DAB1: variants seen among roughly 807,000 people sequenced by gnomAD.
The protein encoded by DAB1 is DAB adaptor protein 1, also known as disabled homolog 1.
In DAB1, 15 loss-of-function variants were observed where a neutral mutation model predicts 64.6. The ratio of observed to expected loss-of-function variants is 0.23; its 90% CI spans 0.16 to 0.36. The LOEUF is 0.36. Among genes scored for constraint, DAB1 ranks in the 10% least tolerant of loss-of-function variants. The pLI, the probability that DAB1 is intolerant of heterozygous loss-of-function variation, is 1.00. For missense variants in DAB1, 596 were observed against 706.7 expected, an observed-to-expected ratio of 0.84 and a Z score of 1.78; for synonymous variants, 235 against 251.9, an observed-to-expected ratio of 0.93 and a Z score of 0.64.
intron 2 of DAB1, among the ~76,000 whole-genome samples, chr1:57,187,015 A>G (rs764354301): frequency 6.6e-6 from 1 of 152,174 alleles, no homozygotes; most frequent in African/African-American, 2.4e-5. Flanking sequence ...TGTCCCCCCA[A>G]AAAGATGGGA....
At chr1:57,674,068 AGG>A (rs1277086780) in intron 6 of DAB1, among the ~76,000 whole-genome samples, 1 of 152,168 alleles carries the variant, frequency 6.6e-6, no homozygotes, top group African/African-American at 2.4e-5. Context: ...ATTGAGTAAT[AGG>A]GGGGCAGGTT....
At chr1:58,298,345 A>G (rs758740744) in intron 4 of DAB1, among the ~76,000 whole-genome samples, 1 of 152,068 alleles carries the variant, frequency 6.6e-6, no homozygotes, top group Non-Finnish European at 1.5e-5. Context: ...CTTTCTTTCT[A>G]TTATTGTTCC....
chr1:57,357,055 A>T (rs1679167544), intron 1 of DAB1, among the ~76,000 whole-genome samples: 2 of 152,062 alleles, frequency 1.3e-5, no homozygotes. Context: ...TGAAGTCATT[A>T]GAACAGTGCC....
chr1:58,514,266 T>C (rs149743627), intron 2 of DAB1, among the ~76,000 whole-genome samples: 94 of 152,260 alleles, frequency 6.2e-4, no homozygotes, highest in Middle Eastern at 3.4e-3. Flanking sequence ...AAATTATAAA[T>C]TCAGTGGGAT....
At chr1:57,229,491 G>A (rs574182456) in intron 2 of DAB1, among the ~76,000 whole-genome samples, 19 of 151,536 alleles carry the variant, frequency 1.3e-4, no homozygotes, top group Non-Finnish European at 2.5e-4. Context: ...CACTGCGCCC[G>A]GCCTATAATA....
At chr1:57,950,885 G>A (rs1404395157) in intron 5 of DAB1, among the ~76,000 whole-genome samples, 1 of 152,154 alleles carries the variant, frequency 6.6e-6, no homozygotes, top group Non-Finnish European at 1.5e-5. Flanking sequence ...TATCCCTGAG[G>A]ACAAGTCCTT....
rs77903518 is a variant in DAB1, at chr1:57,430,635, C to T, written n.626-139469G>A. ...CTCGTGATCCGCCCGCCTAGGCCTC[C>T]CAAAGTGCTGGGTACAGTTAATACA... On this transcript the variant is annotated intron_variant and non_coding_transcript_variant, in intron 7 of 20. Coordinates refer to the DAB1 transcript ENST00000485760. Among the ~76,000 whole-genome samples, 987 of 152,050 alleles carry T rather than the reference C, an allele frequency of 6.5e-3. 15 individuals are homozygous for T. The highest frequency in any genetic ancestry group is 0.021 in the African/African-American group (886 of 41,476).
At chr1:58,460,769 C>T (rs981223648) in intron 3 of DAB1, among the ~76,000 whole-genome samples, 1 of 152,070 alleles carries the variant, frequency 6.6e-6, no homozygotes, top group African/African-American at 2.4e-5. Context: ...ACATATTGGC[C>T]TTTCAATTTA....
intron 1 of DAB1, among the ~76,000 whole-genome samples, chr1:57,396,103 AGC>A (rs1447378775): frequency 6.6e-6 from 1 of 152,210 alleles, no homozygotes; most frequent in Non-Finnish European, 1.5e-5. Flanking sequence ...CAAGAGCAAA[AGC>A]GCTGAGAGGT....
At chr1:58,437,954 A>G (rs1644963473) in intron 3 of DAB1, among the ~76,000 whole-genome samples, 1 of 152,164 alleles carries the variant, frequency 6.6e-6, no homozygotes. Flanking sequence ...CCTTTCCAGC[A>G]GCTGTGAGGT....
upstream of DAB1, among the ~76,000 whole-genome samples, chr1:57,884,392 C>T (rs1644192074): frequency 6.6e-6 from 1 of 152,022 alleles, no homozygotes; most frequent in African/African-American, 2.4e-5. Context: ...TAGCACTGTG[C>T]TAGGCTATGG....
intron 5 of DAB1, among the ~76,000 whole-genome samples, chr1:58,125,535 A>T (rs1227748619): frequency 6.7e-6 from 1 of 150,254 alleles, no homozygotes; most frequent in Non-Finnish European, 1.5e-5. Flanking sequence ...TCAACCTCCC[A>T]GTCTCAAGTG....
intron 1 of DAB1, among the ~76,000 whole-genome samples, chr1:57,302,319 A>C (rs1257200286): frequency 6.6e-6 from 1 of 152,194 alleles, no homozygotes; most frequent in Non-Finnish European, 1.5e-5. Context: ...AAAACGTAAA[A>C]ATTCAATCAC....
At chr1:57,327,848 AAAC>A (rs1381720382) in intron 1 of DAB1, among the ~76,000 whole-genome samples, 1 of 152,142 alleles carries the variant, frequency 6.6e-6, no homozygotes, top group Non-Finnish European at 1.5e-5. Context: ...CAAGTGGAAA[AAAC>A]AACAACAAAA....
chr1:58,417,257 G>A (rs1644729652), intron 3 of DAB1, among the ~76,000 whole-genome samples: 2 of 152,200 alleles, frequency 1.3e-5, no homozygotes, highest in Admixed American at 1.3e-4. Flanking sequence ...AGTGAAGAAG[G>A]ACATGAGAAT....
chr1:57,981,873 C>A (rs189615449), intron 5 of DAB1, among the ~76,000 whole-genome samples: 50 of 152,292 alleles, frequency 3.3e-4, no homozygotes, highest in African/African-American at 1.1e-3. Flanking sequence ...ATATGAGTTT[C>A]CTTTCTCTTA....
At chr1:57,969,317 A>G (rs1645741114) in intron 5 of DAB1, among the ~76,000 whole-genome samples, 1 of 152,070 alleles carries the variant, frequency 6.6e-6, no homozygotes, top group Non-Finnish European at 1.5e-5. Context: ...ATGTTAATAT[A>G]TGTATGTTTT....
intron 6 of DAB1, among the ~76,000 whole-genome samples, chr1:57,746,096 A>G (rs1042367156): frequency 1.3e-5 from 2 of 152,188 alleles, no homozygotes; most frequent in African/African-American, 4.8e-5. Context: ...TGATGAACAT[A>G]CAGGTGGTTT....
chr1:58,416,921 G>C (rs1644726792), intron 3 of DAB1, among the ~76,000 whole-genome samples: 1 of 152,158 alleles, frequency 6.6e-6, no homozygotes, highest in Non-Finnish European at 1.5e-5. Flanking sequence ...AAAAAAGAAT[G>C]TAAGGTATCT....
Sources: allele counts gnomAD v4.1 joint callset (sites outside exome capture counted in the v4.1 genomes callset), GRCh38; gene constraint gnomAD v4.1.1; transcripts MANE v1.5; gene names NCBI Gene and HGNC (gene_info 2026-07-23, HGNC 2026-07-21).